Variants in PPA2 observed in about 807,000 individuals in gnomAD.
PPA2 encodes inorganic pyrophosphatase 2.
Under a neutral mutation model 49.5 loss-of-function variants are expected in PPA2, and 48 were observed. The ratio of observed to expected loss-of-function variants is 0.97; its 90% CI spans 0.77 to 1.23. PPA2 has a LOEUF of 1.23. Ranked by LOEUF, PPA2 falls within the 50% of genes most tolerant of loss-of-function variation. PPA2 has a pLI of 0.00. For missense variants in PPA2, 429 were observed against 410.1 expected (o/e 1.05, Z -0.40); for synonymous variants, 131 against 139.9 (o/e 0.94, Z 0.45).
chr4:105,427,651 A>C (rs1723584873), intron 6 of PPA2, among the ~76,000 whole-genome samples: 1 of 152,188 alleles, frequency 6.6e-6, no homozygotes, highest in African/African-American at 2.4e-5. Flanking sequence ...GATTAGAGAA[A>C]AAGAGTGAAA....
chr4:105,444,529 G>A (rs1387959425), intron 5 of PPA2, among the ~76,000 whole-genome samples: 2 of 152,082 alleles, frequency 1.3e-5, no homozygotes, highest in African/African-American at 4.8e-5. Flanking sequence ...ATTAGTAGAA[G>A]AACTACCGTA....
chr4:105,394,784 G>A (rs184410745), intron 9 of PPA2, among the ~76,000 whole-genome samples: 59 of 152,166 alleles, frequency 3.9e-4, no homozygotes, highest in Non-Finnish European at 7.6e-4. Context: ...GAGGAAACCT[G>A]GGGAAACACT....
intron 7 of PPA2, among the ~76,000 whole-genome samples, chr4:105,407,710 A>C (rs556388993): frequency 2.4e-4 from 36 of 152,338 alleles, no homozygotes; most frequent in African/African-American, 8.4e-4. Flanking sequence ...CCAAAACATT[A>C]GGCAAGAGAA....
rs141367713 is a variant in PPA2, at chr4:105,436,508, C to T, written c.528+1442G>A. Among the ~76,000 whole-genome samples, 384 of 150,352 alleles carry T rather than the reference C, an allele frequency of 2.6e-3. 2 individuals are homozygous for T. Among genetic ancestry groups the T allele is most frequent in the African/African-American group, 9.1e-3 (372 of 40,702 alleles). ...GGAACCAAACAAAAGCCAGAATAGT[C>T]AAAGCAATCCTAAGCAAAAAGAACA... On this transcript the variant is annotated intron_variant, in intron 6 of 11. Coordinates refer to ENST00000341695, the MANE Select transcript of PPA2 (RefSeq NM_176869.3).
At chr4:105,411,524 CA>C (rs1722758120) in intron 7 of PPA2, among the ~76,000 whole-genome samples, 1 of 152,148 alleles carries the variant, frequency 6.6e-6, no homozygotes, top group South Asian at 2.1e-4. Flanking sequence ...CCTGGAAAAT[CA>C]GCACAAGACA....
At chr4:105,470,761 A>G (rs994950809) in intron 1 of PPA2, among the ~76,000 whole-genome samples, 1 of 152,252 alleles carries the variant, frequency 6.6e-6, no homozygotes, top group African/African-American at 2.4e-5. Context: ...CTATAAAATT[A>G]CTAGTGCTAT....
At chr4:105,372,517 A>G (rs992176363) in intron 10 of PPA2, among the ~76,000 whole-genome samples, 2 of 152,154 alleles carry the variant, frequency 1.3e-5, no homozygotes, top group Non-Finnish European at 2.9e-5. Flanking sequence ...AAACCAGTGA[A>G]CTCTGAATAA....
chr4:105,398,152 A>G (rs763428504), intron 8 of PPA2, among the ~76,000 whole-genome samples: 2 of 152,100 alleles, frequency 1.3e-5, no homozygotes, highest in Non-Finnish European at 2.9e-5. Flanking sequence ...CAAAAATACC[A>G]TATAGGTTTA....
intron 1 of PPA2, among the ~76,000 whole-genome samples, chr4:105,458,638 A>G (rs1722959720): frequency 6.6e-6 from 1 of 151,924 alleles, no homozygotes; most frequent in African/African-American, 2.4e-5. Context: ...CCTGACCAAC[A>G]TGGCAAAACC....
At chr4:105,378,572 A>G (rs113793781) in intron 10 of PPA2, among the ~76,000 whole-genome samples, 3,088 of 152,150 alleles carry the variant, frequency 0.02, 48 homozygotes, top group Middle Eastern at 0.061. Context: ...CCTTTTGTAG[A>G]ACAAAAATTT....
chr4:105,450,950 A>C (rs1265093419), intron 3 of PPA2, among the ~76,000 whole-genome samples: 1 of 152,092 alleles, frequency 6.6e-6, no homozygotes, highest in Non-Finnish European at 1.5e-5. Flanking sequence ...TTTTTTAAGT[A>C]TCTGTTTACA....
chr4:105,369,777 G>A (rs766630229), intron 11 of PPA2, 24 bp from the exon 12 acceptor site: 3 of 1,566,396 alleles, frequency 1.9e-6, no homozygotes, highest in Non-Finnish European at 2.6e-6. Context: ...GGGGAAAGAG[G>A]GTATTAGGGA....
chr4:105,401,756 A>G (rs576648890), intron 7 of PPA2, among the ~76,000 whole-genome samples: 1 of 152,320 alleles, frequency 6.6e-6, no homozygotes, highest in South Asian at 2.1e-4. Flanking sequence ...TTGATTACAA[A>G]TTAAGCTCTT....
intron 7 of PPA2, among the ~76,000 whole-genome samples, chr4:105,413,961 AAAT>A (rs1722880888): frequency 6.6e-6 from 1 of 152,324 alleles, no homozygotes; most frequent in East Asian, 1.9e-4. Context: ...TCTGCAACCT[AAAT>A]AATAAAGGGT....
chr4:105,415,375 CA>C (rs1301529104), intron 7 of PPA2, among the ~76,000 whole-genome samples: 2 of 152,234 alleles, frequency 1.3e-5, no homozygotes, highest in African/African-American at 2.4e-5. Flanking sequence ...TCGTCAGCGC[CA>C]AAAGTCCAGA....
At chr4:105,381,642 G>C (rs78019239) in intron 10 of PPA2, among the ~76,000 whole-genome samples, 2,372 of 152,120 alleles carry the variant, frequency 0.016, 54 homozygotes, top group African/African-American at 0.054. Context: ...TCTGTGTTTA[G>C]AAAGTTGTTG....
chr4:105,432,666 A>G (rs1462934216), intron 6 of PPA2, among the ~76,000 whole-genome samples: 3 of 152,226 alleles, frequency 2.0e-5, no homozygotes, highest in Non-Finnish European at 4.4e-5. Flanking sequence ...GATGGCTTTC[A>G]ATGTGGCCCA....
Position 105,458,752 on chromosome 4 carries a change from G to A in PPA2, c.158-2007C>T, listed in dbSNP as rs1334233800. Among the ~76,000 whole-genome samples, 6 of 149,106 alleles carry A rather than the reference G, an allele frequency of 4.0e-5. No individual in the cohort carries two copies. The East Asian group carries it at 1.2e-3, about 29-fold the overall frequency. ...CAGGAGAATAGCTTCAACCCAGGAG[G>A]CGGAGGTTGCGGTGAGCCGAAATCG... On this transcript the variant is annotated intron_variant, in intron 1 of 11. Coordinates refer to ENST00000341695, the MANE Select transcript of PPA2 (RefSeq NM_176869.3).
intron 2 of PPA2, chr4:105,453,864 A>C (rs1722767931): frequency 2.6e-6 from 1 of 386,092 alleles, no homozygotes; most frequent in Admixed American, 4.5e-5. Context: ...TGATCAGAAA[A>C]GCCAAACCTC....
Sources: gnomAD v4.1 joint callset for allele counts (sites outside exome capture counted in the v4.1 genomes callset) on GRCh38, gnomAD v4.1.1 for gene constraint, MANE v1.5 for transcripts, NCBI Gene and HGNC (gene_info 2026-07-23, HGNC 2026-07-21) for gene names.